Variants in STXBP4 observed in about 807,000 individuals in gnomAD.
The protein encoded by STXBP4 is syntaxin binding protein 4.
STXBP4 carries 55 observed loss-of-function variants against 76.1 expected under a neutral mutation model. The ratio of observed to expected loss-of-function variants is 0.72; its 90% CI spans 0.58 to 0.91. The LOEUF is 0.91. Ranked by LOEUF, STXBP4 falls within the 40% of genes least tolerant of loss-of-function variation. The probability of loss-of-function intolerance (pLI) is 0.00; values close to 1 mark genes in which losing one functional copy is unlikely to be tolerated. For synonymous variants in STXBP4, 201 were observed against 220.2 expected (o/e 0.91, Z 0.77); for missense variants, 618 against 636.9 (o/e 0.97, Z 0.32).
At position 55,034,240 on chromosome 17, in the gene STXBP4, C is replaced by G; in HGVS notation, c.836C>G (p.Ser279Cys). 6.2e-7 allele frequency: 1 copy of G among 1,611,440 alleles called. No individual in the cohort carries two copies. Among genetic ancestry groups the G allele is most frequent in the Non-Finnish European group, 8.5e-7 (1 of 1,178,358 alleles). The change falls in exon 10 of 18, where the codon TCC becomes TGC. Residue 279 changes from serine (S) to cysteine (C), a missense_variant. By Grantham distance (112) the Ser-to-Cys change is moderately radical (BLOSUM62 -1). Transcript: ENST00000376352. Reference protein sequence around the residue: ...DEVNVGAHEISNILDSQLLPC... With the variant: ...DEVNVGAHEICNILDSQLLPC... ...GTAAATGTTGGTGCACATGAAATTT[C>G]CAATATATTAGATTCACAGGTAGAG...
chr17:54,991,146 T>G, intron 4 of STXBP4, 189 bp downstream of exon 4: 1 of 419,256 alleles, frequency 2.4e-6, no homozygotes, highest in Non-Finnish European at 3.8e-6. Context: ...TAGGTTCTTC[T>G]TCTATGAAAA....
chr17:55,175,092 T>C (rs1350973063), downstream of STXBP4, among the ~76,000 whole-genome samples: 2 of 151,758 alleles, frequency 1.3e-5, no homozygotes, highest in East Asian at 3.9e-4. Context: ...CCAACAAACA[T>C]TTTTTGAGTG....
chr17:55,142,911 C>T (rs1850532978), intron 17 of STXBP4, among the ~76,000 whole-genome samples: 1 of 152,162 alleles, frequency 6.6e-6, no homozygotes, highest in Non-Finnish European at 1.5e-5. Context: ...CAGACCTCTT[C>T]TGGAAGGGGC....
rs1238014878 is a variant in STXBP4 at position 55,172,908 on chromosome 17, G to A, written c.*12997G>A. ...GTTACCTGCTGTGAAGGACTGTAGAGGTTATCTAAGCCAGCTCCTCCTTTT... is the reference window on the plus strand; with the variant it reads ...GTTACCTGCTGTGAAGGACTGTAGAAGTTATCTAAGCCAGCTCCTCCTTTT... On this transcript the variant is annotated 3_prime_UTR_variant, in exon 18 of 18. Coordinates refer to ENST00000376352, the MANE Select transcript of STXBP4 (RefSeq NM_178509.6). 1 of 152,164 alleles carries A rather than the reference G, an allele frequency of 6.6e-6. No individual in the cohort carries two copies. The highest frequency in any genetic ancestry group is 3.2e-3 in the Middle Eastern group (1 of 316). 9.4% of individuals were successfully genotyped at this position (152,164 alleles called of 1,614,324 possible). A position where few individuals can be genotyped will look rare whatever the true frequency, so the allele number is the denominator to read the frequency against.
At chr17:55,005,075 CATATTGTTAA>C (rs1374248395) in intron 7 of STXBP4, among the ~76,000 whole-genome samples, 1 of 152,154 alleles carries the variant, frequency 6.6e-6, no homozygotes, top group East Asian at 1.9e-4. Context: ...GCCCTGATTG[CATATTGTTAA>C]ATGAAGGTTA....
chr17:55,098,610 G>A (rs1259158054), intron 16 of STXBP4, among the ~76,000 whole-genome samples: 1 of 152,196 alleles, frequency 6.6e-6, no homozygotes, highest in East Asian at 1.9e-4. Flanking sequence ...TGAGGCAGGA[G>A]TGTGCCTGAT....
At chr17:55,109,764 G>A (rs1376886930) in intron 16 of STXBP4, among the ~76,000 whole-genome samples, 2 of 151,564 alleles carry the variant, frequency 1.3e-5, no homozygotes, top group Non-Finnish European at 2.9e-5. Flanking sequence ...TGAGTAGCTG[G>A]GATTACAGGA....
At chr17:55,012,254 C>G (rs898690138) in intron 8 of STXBP4, among the ~76,000 whole-genome samples, 7 of 152,028 alleles carry the variant, frequency 4.6e-5, no homozygotes, top group Admixed American at 3.9e-4. Flanking sequence ...CGGTGGCTAG[C>G]CATCCTGAGG....
At chr17:55,047,053 A>T (rs753916160) in intron 11 of STXBP4, 36 bp from the exon 12 acceptor site, 2 of 1,318,194 alleles carry the variant, frequency 1.5e-6, no homozygotes, top group South Asian at 2.4e-5. Flanking sequence ...TAATACTTTC[A>T]TAACAAGTTG....
intron 9 of STXBP4, among the ~76,000 whole-genome samples, 159 bp downstream of exon 9, chr17:55,031,423 A>G (rs928414488): frequency 1.3e-5 from 2 of 151,242 alleles, no homozygotes; most frequent in Non-Finnish European, 3.0e-5. Context: ...GAACTCAGCT[A>G]GAATTACTGA....
At chr17:55,132,381 G>T (rs1567776200) in intron 16 of STXBP4, among the ~76,000 whole-genome samples, 1 of 152,014 alleles carries the variant, frequency 6.6e-6, no homozygotes, top group Non-Finnish European at 1.5e-5. Flanking sequence ...AGTAGAGACG[G>T]GGTTTCACCA....
rs964877463 is a variant in STXBP4 at position 55,161,112 on chromosome 17, T to A, written c.*1201T>A. On this transcript the variant is annotated 3_prime_UTR_variant, in exon 18 of 18. Coordinates refer to ENST00000376352, the MANE Select transcript of STXBP4 (RefSeq NM_178509.6). Reference sequence around the variant, plus strand: ...GTAGCCATTTTATAGTTGAGTAAACTGAGATCTTAAGTCTCCTAGTCTACT... The same window carrying A: ...GTAGCCATTTTATAGTTGAGTAAACAGAGATCTTAAGTCTCCTAGTCTACT... 3 of 152,226 alleles carry A rather than the reference T, an allele frequency of 2.0e-5. No homozygotes were observed. The allele number at this position is 152,226 out of a possible 1,614,324, so 9.4% of individuals were successfully genotyped here. A position where few individuals can be genotyped will look rare whatever the true frequency, so the allele number is the denominator to read the frequency against.
rs749294690 is a variant in STXBP4, at chr17:54,986,172, G to T, written c.-48G>T. 5 of 1,482,782 alleles carry T rather than the reference G, an allele frequency of 3.4e-6. No homozygotes were observed. In the East Asian group the frequency reaches 1.1e-4, roughly 34 times the overall value. 91.9% of individuals were successfully genotyped at this position (1,482,782 alleles called of 1,614,324 possible). A position where few individuals can be genotyped will look rare whatever the true frequency, so the allele number is the denominator to read the frequency against. On this transcript the variant is annotated 5_prime_UTR_variant, in exon 3 of 18. Transcript: ENST00000376352. ...GAAGAATTTCTAGACTCTTCATCAA[G>T]ATCTTCATTTATACAGCTGTTAAAT... is the stretch of plus-strand genomic sequence containing the variant.
At chr17:55,110,635 T>A (rs2079700625) in intron 16 of STXBP4, among the ~76,000 whole-genome samples, 1 of 152,228 alleles carries the variant, frequency 6.6e-6, no homozygotes. Context: ...ATTTTAGGCC[T>A]TGTAGCCGTA....
At chr17:55,137,298 T>G (rs1456074875) in intron 16 of STXBP4, among the ~76,000 whole-genome samples, 1 of 87,172 alleles carries the variant, frequency 1.1e-5, no homozygotes, top group African/African-American at 4.3e-5. Context: ...CCTCCCTCCC[T>G]CTGTCCTTCT....
downstream of STXBP4, among the ~76,000 whole-genome samples, chr17:55,176,202 G>A (rs1176675379): frequency 6.6e-6 from 1 of 152,198 alleles, no homozygotes; most frequent in Non-Finnish European, 1.5e-5. Flanking sequence ...AAGCAGAGAA[G>A]AAGGCAAACT....
At chr17:55,147,540 G>T (rs1466791887) in intron 17 of STXBP4, among the ~76,000 whole-genome samples, 1 of 152,178 alleles carries the variant, frequency 6.6e-6, no homozygotes, top group Non-Finnish European at 1.5e-5. Flanking sequence ...TTGCTTTTAA[G>T]TTACTTAAAT....
the STXBP4 span, among the ~76,000 whole-genome samples, chr17:55,198,208 CCAGT>C: frequency 6.6e-6 from 1 of 152,162 alleles, no homozygotes; most frequent in Non-Finnish European, 1.5e-5. Flanking sequence ...CTTTATGCAA[CCAGT>C]CAGAGATACT....
intron 3 of STXBP4, among the ~76,000 whole-genome samples, chr17:54,986,872 A>C (rs1025404246): frequency 6.6e-6 from 1 of 152,188 alleles, no homozygotes; most frequent in East Asian, 1.9e-4. Flanking sequence ...ATACCAGATA[A>C]TGTAGGATGG....
Sources: allele counts gnomAD v4.1 joint callset (sites outside exome capture counted in the v4.1 genomes callset), GRCh38; gene constraint gnomAD v4.1.1; transcripts MANE v1.5; gene names NCBI Gene and HGNC (gene_info 2026-07-23, HGNC 2026-07-21).